Variants in LSAMP observed in about 807,000 individuals in gnomAD.
LSAMP encodes limbic system-associated membrane protein.
A neutral mutation model predicts 38.6 loss-of-function variants in LSAMP; 7 were observed. The observed-to-expected ratio is 0.18, with a 90% CI of 0.10 to 0.34. The LOEUF (loss-of-function observed/expected upper bound fraction) is 0.34. Among genes scored for constraint, LSAMP ranks in the 10% least tolerant of loss-of-function variants. The pLI is 1.00. For missense variants in LSAMP, 313 were observed against 420.0 expected (o/e 0.75, Z 2.23); for synonymous variants, 154 against 166.8 (o/e 0.92, Z 0.59).
intron 3 of LSAMP, among the ~76,000 whole-genome samples, chr3:115,963,598 G>T (rs2107598564): frequency 6.6e-6 from 1 of 152,266 alleles, no homozygotes. Context: ...GATTGAATTT[G>T]GCTGAGGGAA....
intron 6 of LSAMP, among the ~76,000 whole-genome samples, chr3:115,818,735 A>G (rs1408382677): frequency 7.1e-6 from 1 of 140,006 alleles, no homozygotes; most frequent in Non-Finnish European, 1.5e-5. Context: ...CAAAGAATTT[A>G]TATATATATA....
intron 1 of LSAMP, among the ~76,000 whole-genome samples, chr3:116,249,860 T>C (rs2046656858): frequency 6.6e-6 from 1 of 152,204 alleles, no homozygotes; most frequent in Non-Finnish European, 1.5e-5. Flanking sequence ...TTATTACCGA[T>C]GACAATATCA....
At chr3:116,336,434 C>A (rs1559832417) in intron 1 of LSAMP, among the ~76,000 whole-genome samples, 1 of 151,798 alleles carries the variant, frequency 6.6e-6, no homozygotes, top group African/African-American at 2.4e-5. Flanking sequence ...AATCTTGATT[C>A]AAAAATGGGC....
At chr3:116,297,663 A>G (rs1189003772) in intron 1 of LSAMP, among the ~76,000 whole-genome samples, 2 of 152,114 alleles carry the variant, frequency 1.3e-5, no homozygotes, top group African/African-American at 4.8e-5. Flanking sequence ...GTCTTTCTGG[A>G]TAGACTGAGA....
intron 1 of LSAMP, among the ~76,000 whole-genome samples, chr3:116,308,752 G>A (rs901968999): frequency 6.6e-6 from 1 of 151,992 alleles, no homozygotes; most frequent in Non-Finnish European, 1.5e-5. Context: ...TTACCACTAC[G>A]ACCTTGAATA....
At chr3:116,029,528 G>A (rs34543919) in intron 2 of LSAMP, among the ~76,000 whole-genome samples, 17,739 of 152,116 alleles carry the variant, frequency 0.12, 1,246 homozygotes, top group Non-Finnish European at 0.16. Flanking sequence ...CAAGGTAAGA[G>A]AGATAATATG....
At chr3:116,335,777 T>C (rs1486806517) in intron 1 of LSAMP, among the ~76,000 whole-genome samples, 1 of 152,086 alleles carries the variant, frequency 6.6e-6, no homozygotes, top group Non-Finnish European at 1.5e-5. Context: ...AATTATTTAA[T>C]ACAAATCCTG....
At position 116,205,177 on chromosome 3, in the gene LSAMP, G is replaced by C. The variant is rs1001102223; in HGVS notation, c.156-118621C>G. Among the ~76,000 whole-genome samples the C allele has an allele frequency of 2.5e-4, 37 of 148,864 alleles. 1 individual carries two copies. Among genetic ancestry groups the C allele is most frequent in the Non-Finnish European group, 4.0e-4 (27 of 66,726 alleles). Reference sequence around the variant, plus strand: ...CTCTTTGAAGCAATTGTGAATGGGAGTTCACTCATGATTTGGCTCTCTGTT... The same window carrying C: ...CTCTTTGAAGCAATTGTGAATGGGACTTCACTCATGATTTGGCTCTCTGTT... On this transcript the variant is annotated intron_variant, in intron 1 of 6. Transcript: ENST00000490035.
At position 116,264,305 on chromosome 3, in the gene LSAMP, AT is replaced by A. The variant is rs549474000; in HGVS notation, c.156-177750del. ...AGATTACATTCTTAATCTGGACTTTATTTTGTTCCAAGTTGGAGGGTTATCT... is the reference window on the plus strand; with the variant it reads ...AGATTACATTCTTAATCTGGACTTTATTTGTTCCAAGTTGGAGGGTTATCT... On this transcript the variant is annotated intron_variant, in intron 1 of 6. Coordinates refer to ENST00000490035, the MANE Select transcript of LSAMP (RefSeq NM_002338.5). 2.9e-3 allele frequency among the ~76,000 whole-genome samples: 436 copies of A among 152,232 alleles called. 1 individual carries two copies. Among genetic ancestry groups the A allele is most frequent in the Non-Finnish European group, 4.7e-3 (323 of 68,002 alleles).
chr3:116,291,647 C>G (rs1267070682), intron 1 of LSAMP, among the ~76,000 whole-genome samples: 1 of 152,146 alleles, frequency 6.6e-6, no homozygotes, highest in East Asian at 1.9e-4. Context: ...CACTTCAGAT[C>G]TATAAGTGAG....
At chr3:116,281,936 T>G (rs2047132202) in intron 1 of LSAMP, among the ~76,000 whole-genome samples, 1 of 152,210 alleles carries the variant, frequency 6.6e-6, no homozygotes, top group Non-Finnish European at 1.5e-5. Context: ...AACAACTTTT[T>G]AATTAACCTT....
intron 1 of LSAMP, among the ~76,000 whole-genome samples, chr3:116,387,923 C>G (rs576434704): frequency 5.9e-5 from 9 of 151,808 alleles, no homozygotes; most frequent in African/African-American, 2.2e-4. Context: ...GAAACCCCGT[C>G]TCTACTAAAA....
chr3:115,961,852 G>A (rs1001879608), intron 3 of LSAMP, among the ~76,000 whole-genome samples: 2 of 152,160 alleles, frequency 1.3e-5, no homozygotes, highest in Admixed American at 6.5e-5. Flanking sequence ...TACCAAGAGG[G>A]TCCTTCAGAA....
intron 3 of LSAMP, among the ~76,000 whole-genome samples, chr3:115,928,344 T>G (rs767160990): frequency 2.6e-5 from 4 of 152,202 alleles, no homozygotes; most frequent in African/African-American, 4.8e-5. Flanking sequence ...AACATCTCAC[T>G]GAGCTTGTGA....
intron 3 of LSAMP, among the ~76,000 whole-genome samples, chr3:115,854,410 G>T (rs1935442638): frequency 6.7e-6 from 1 of 150,186 alleles, no homozygotes. Flanking sequence ...AGCCTCCCGA[G>T]TAGCTGGGAC....
At chr3:115,933,426 G>C (rs904991347) in intron 3 of LSAMP, among the ~76,000 whole-genome samples, 1 of 152,052 alleles carries the variant, frequency 6.6e-6, no homozygotes, top group African/African-American at 2.4e-5. Flanking sequence ...CTAAATTTAG[G>C]GAATAAAGAA....
chr3:116,182,318 G>C (rs1297435386), intron 1 of LSAMP, among the ~76,000 whole-genome samples: 1 of 151,172 alleles, frequency 6.6e-6, no homozygotes, highest in East Asian at 1.9e-4. Flanking sequence ...TTAGAAATTA[G>C]TTACCTCATT....
chr3:116,249,388 A>G (rs1046959760), intron 1 of LSAMP, among the ~76,000 whole-genome samples: 6 of 60,326 alleles, frequency 9.9e-5, no homozygotes, highest in Admixed American at 9.8e-4. Context: ...AGAAGATTCT[A>G]TATTTTTTTT....
At chr3:116,120,811 T>G (rs10212351) in intron 1 of LSAMP, among the ~76,000 whole-genome samples, 4,843 of 152,300 alleles carry the variant, frequency 0.032, 233 homozygotes, top group African/African-American at 0.11. Context: ...TCACAGACCT[T>G]TCTAAGCTCT....
Sources: allele counts gnomAD v4.1 joint callset (sites outside exome capture counted in the v4.1 genomes callset), GRCh38; gene constraint gnomAD v4.1.1; transcripts MANE v1.5; gene names NCBI Gene and HGNC (gene_info 2026-07-23, HGNC 2026-07-21).